PRDM11: variants seen among roughly 807,000 people sequenced by gnomAD.
PRDM11 encodes PR domain-containing protein 11.
A neutral mutation model predicts 97.8 loss-of-function variants in PRDM11; 20 were observed. That is an observed-to-expected ratio of 0.20 (90% confidence interval 0.14 to 0.30). The LOEUF (loss-of-function observed/expected upper bound fraction) is 0.30, where lower values mean the gene tolerates loss of function less well. PRDM11 is among the 10% of genes least tolerant of loss of function. PRDM11 has a pLI of 1.00. For missense variants in PRDM11, 1,139 were observed against 1,555.2 expected, an observed-to-expected ratio of 0.73 and a Z score of 4.50; for synonymous variants, 599 against 637.7, an observed-to-expected ratio of 0.94 and a Z score of 0.91.
chr11:45,137,001 A>AAG (rs1852868460), intron 1 of PRDM11, among the ~76,000 whole-genome samples: 1 of 151,186 alleles, frequency 6.6e-6, no homozygotes, highest in African/African-American at 2.4e-5. Flanking sequence ...AAAAAAAAAA[A>AAG]AAAGAAAAAA....
At chr11:45,141,736 C>T (rs909937541), upstream of PRDM11, among the ~76,000 whole-genome samples, 13 of 152,198 alleles carry the variant, frequency 8.5e-5, no homozygotes, top group East Asian at 1.3e-3. Context: ...CTCCTGAGAA[C>T]GGACTGCACT....
chr11:45,228,291 A>T lies in PRDM11; in HGVS notation c.*132A>T. 6.0e-6 allele frequency: 2 copies of T among 332,268 alleles called. No individual in the cohort carries two copies. Among genetic ancestry groups the T allele is most frequent in the Non-Finnish European group, 8.9e-6 (2 of 223,926 alleles). The allele number at this position is 332,268 out of a possible 1,614,324, so 20.6% of individuals were successfully genotyped here. A position where few individuals can be genotyped will look rare whatever the true frequency, so the allele number is the denominator to read the frequency against. ...TATATATATATATATATATAAACTC[A>T]CACTGAAAATTTTTAAAAACCAAGG... On this transcript the variant is annotated 3_prime_UTR_variant, in exon 8 of 8. Coordinates refer to ENST00000683152, the MANE Select transcript of PRDM11 (RefSeq NM_001384648.1).
At chr11:45,193,642 CA>C (rs1321640558) in intron 4 of PRDM11, among the ~76,000 whole-genome samples, 14 of 152,030 alleles carry the variant, frequency 9.2e-5, no homozygotes, top group African/African-American at 3.4e-4. Flanking sequence ...TTATTTTCAA[CA>C]ATTTAAAAAT....
chr11:45,117,992 A>AT (rs1365010693), intron 1 of PRDM11, among the ~76,000 whole-genome samples: 1 of 152,184 alleles, frequency 6.6e-6, no homozygotes, highest in Non-Finnish European at 1.5e-5. Flanking sequence ...TTTAACTGTG[A>AT]TTTTCCACCC....
intron 1 of PRDM11, among the ~76,000 whole-genome samples, chr11:45,122,386 C>CCATGTATA (rs1018211906): frequency 2.3e-4 from 35 of 151,498 alleles, no homozygotes; most frequent in South Asian, 6.3e-4. Flanking sequence ...CACATGTATA[C>CCATGTATA]CATGTATACA....
At chr11:45,205,096 A>G (rs1305829851) in intron 5 of PRDM11, among the ~76,000 whole-genome samples, 1 of 152,170 alleles carries the variant, frequency 6.6e-6, no homozygotes, top group Non-Finnish European at 1.5e-5. Flanking sequence ...TCCCCCACCT[A>G]GGACTGTGAC....
intron 5 of PRDM11, among the ~76,000 whole-genome samples, chr11:45,218,320 G>C (rs1441537872): frequency 6.6e-6 from 1 of 152,186 alleles, no homozygotes; most frequent in Non-Finnish European, 1.5e-5. Context: ...CAGTACAGGA[G>C]ACACCTTTCT....
intron 1 of PRDM11, among the ~76,000 whole-genome samples, chr11:45,164,000 G>A (rs117614585): frequency 4.6e-5 from 7 of 152,254 alleles, no homozygotes; most frequent in South Asian, 2.1e-4. Context: ...CGCAGCTCAC[G>A]GAGCTCATGA....
intron 7 of PRDM11, 67 bp downstream of exon 7, chr11:45,224,910 C>A: frequency 6.2e-7 from 1 of 1,600,596 alleles, no homozygotes; most frequent in South Asian, 1.1e-5. Flanking sequence ...GGAGGGTAGC[C>A]TAAAGCTCTC....
intron 4 of PRDM11, among the ~76,000 whole-genome samples, chr11:45,194,884 C>T (rs1457684351): frequency 6.6e-6 from 1 of 152,080 alleles, no homozygotes; most frequent in Non-Finnish European, 1.5e-5. Context: ...AGGCGTGAGC[C>T]ACCGCGCCCG....
intron 3 of PRDM11, 147 bp downstream of exon 3, chr11:45,182,496 T>A: frequency 1.3e-6 from 1 of 749,508 alleles, no homozygotes; most frequent in Non-Finnish European, 2.2e-6. Flanking sequence ...GTCATCATCA[T>A]TAGCCATCCA....
intron 1 of PRDM11, among the ~76,000 whole-genome samples, chr11:45,100,869 C>T (rs1851961582): frequency 6.6e-6 from 1 of 152,222 alleles, no homozygotes; most frequent in Non-Finnish European, 1.5e-5. Flanking sequence ...GGGTTAGTCC[C>T]ACTTCTCAGA....
chr11:45,152,347 A>G (rs554205305), intron 1 of PRDM11, among the ~76,000 whole-genome samples: 1 of 152,320 alleles, frequency 6.6e-6, no homozygotes, highest in Admixed American at 6.5e-5. Flanking sequence ...GATTACAGGT[A>G]TGAACTACCG....
chr11:45,182,297 G>A lies in PRDM11; in HGVS notation c.171G>A (p.Lys57=), dbSNP rs1078931. 191,124 of 1,613,760 alleles carry A rather than the reference G, an allele frequency of 0.12. 12,669 individuals carry two copies. The highest frequency in any genetic ancestry group is 0.23 in the African/African-American group (17,039 of 74,970). ...TGGAAGTTGAGCCCAAGAAACTGAA[G>A]GGGAAGCGCGACCTCATCGTGCCCA... ...SAMEVEPKKL[K]GKRDLIVPKS... Residue 57 remains lysine (K), a synonymous_variant, in exon 3 of 8, where the codon AAG becomes AAA. Transcript: ENST00000683152.
chr11:45,220,789 C>G (rs1473203590), intron 6 of PRDM11, among the ~76,000 whole-genome samples: 1 of 152,186 alleles, frequency 6.6e-6, no homozygotes, highest in Non-Finnish European at 1.5e-5. Context: ...GGTTCGGTGT[C>G]CATCCAGAAG....
rs1455382402 is a variant in PRDM11 at position 45,219,070 on chromosome 11, G to A, written c.555-500G>A. ...ATTTTTTAAAAGATTTTGATCTTTA[G>A]CATTTATTAATTGATCTCTTGGACA... is the stretch of plus-strand genomic sequence containing the variant. On this transcript the variant is annotated intron_variant, in intron 5 of 7. Coordinates refer to ENST00000683152, the MANE Select transcript of PRDM11 (RefSeq NM_001384648.1). The surrounding 1 kb of genome is among the most constrained non-coding windows in gnomAD (Gnocchi z 4.2). 2.0e-5 allele frequency among the ~76,000 whole-genome samples: 3 copies of A among 152,096 alleles called. No homozygotes were observed. Among genetic ancestry groups the A allele is most frequent in the African/African-American group, 4.8e-5 (2 of 41,404 alleles).
intron 1 of PRDM11, among the ~76,000 whole-genome samples, chr11:45,137,920 GCA>G (rs896488282): frequency 6.6e-6 from 1 of 152,112 alleles, no homozygotes; most frequent in African/African-American, 2.4e-5. Context: ...CTCTCTGCGT[GCA>G]CACATACACA....
intron 4 of PRDM11, among the ~76,000 whole-genome samples, chr11:45,198,967 G>A (rs139182019): frequency 6.6e-6 from 1 of 152,194 alleles, no homozygotes; most frequent in East Asian, 1.9e-4. Context: ...TCTGTAAAAG[G>A]AGGATAATCA....
chr11:45,169,211 A>G (rs1852142131), intron 1 of PRDM11, among the ~76,000 whole-genome samples: 1 of 152,224 alleles, frequency 6.6e-6, no homozygotes, highest in Non-Finnish European at 1.5e-5. Context: ...ACTTCCACAT[A>G]CCTATCACCC....
Sources: allele counts gnomAD v4.1 joint callset (sites outside exome capture counted in the v4.1 genomes callset), GRCh38; gene constraint gnomAD v4.1.1; non-coding constraint Gnocchi (gnomAD v3.1); transcripts MANE v1.5; gene names NCBI Gene and HGNC (gene_info 2026-07-23, HGNC 2026-07-21).